The following SAR1A variants were observed in gnomAD, a reference collection of about 807,000 sequenced individuals.
SAR1A encodes the protein small COPII coat GTPase SAR1A.
Under a neutral mutation model 22.6 loss-of-function variants are expected in SAR1A, and 6 were observed. The ratio of observed to expected loss-of-function variants is 0.27; its 90% CI spans 0.15 to 0.52. The LOEUF (loss-of-function observed/expected upper bound fraction) is 0.52, where lower values mean the gene tolerates loss of function less well. Among genes scored for constraint, SAR1A ranks in the 20% least tolerant of loss-of-function variants. SAR1A has a pLI of 0.96. For missense variants in SAR1A, 145 were observed against 245.1 expected (o/e 0.59, Z 2.73); for synonymous variants, 70 against 82.2 (o/e 0.85, Z 0.80).
chr10:70,157,914 G>GA (rs769078717), intron 4 of SAR1A, 47 bp from the exon 5 acceptor site: 11 of 1,252,110 alleles, frequency 8.8e-6, no homozygotes, highest in Admixed American at 8.6e-5. Context: ...TATACATTGT[G>GA]AAAATGAATA....
Position 70,150,873 on chromosome 10 carries a change from A to C in SAR1A, c.*1603T>G, listed in dbSNP as rs1477671959. ...CCCCACAAGTCAGTACTGGAGAATA[A>C]GAATGAGAACTCCAACTAAAGAACA... is the stretch of plus-strand genomic sequence containing the variant. On this transcript the variant is annotated 3_prime_UTR_variant, in exon 7 of 7. Coordinates refer to ENST00000373241, the MANE Select transcript of SAR1A (RefSeq NM_020150.5). 1.3e-5 allele frequency: 2 copies of C among 152,522 alleles called. No individual in the cohort carries two copies. Among genetic ancestry groups the C allele is most frequent in the African/African-American group, 4.8e-5 (2 of 41,444 alleles). The allele number at this position is 152,522 out of a possible 1,614,324, so 9.4% of individuals were successfully genotyped here.
rs747413317 is a variant in SAR1A at position 70,161,750 on chromosome 10, A to G, written c.59-12T>C. 2 of 1,613,640 alleles carry G rather than the reference A, an allele frequency of 1.2e-6. No individual in the cohort carries two copies. Among genetic ancestry groups the G allele is most frequent in the Non-Finnish European group, 1.7e-6 (2 of 1,179,920 alleles). ...TTTCTTGTACAGTCCTAAAAGAGAAAAAAATTGTTAACACATTTGCTCTCT... is the reference window on the plus strand; with the variant it reads ...TTTCTTGTACAGTCCTAAAAGAGAAGAAAATTGTTAACACATTTGCTCTCT... On this transcript the variant is annotated splice_polypyrimidine_tract_variant and intron_variant, in intron 2 of 6. Coordinates refer to ENST00000373241, the MANE Select transcript of SAR1A (RefSeq NM_020150.5).
chr10:70,158,133 T>C lies in SAR1A; in HGVS notation c.245-266A>G, dbSNP rs367958421. ...CATCTGGCAATCCCATGCCTACTTA[T>C]CCACGTGACAATTATCAGCAGGAAC... On this transcript the variant is annotated intron_variant, in intron 4 of 6. Coordinates refer to ENST00000373241, the MANE Select transcript of SAR1A (RefSeq NM_020150.5). 3.7e-4 allele frequency among the ~76,000 whole-genome samples: 56 copies of C among 152,334 alleles called. No homozygotes were observed. In the South Asian group the frequency reaches 3.7e-3, roughly 10 times the overall value.
At chr10:70,165,264 CAAAAAAA>C (rs34191043) in intron 1 of SAR1A, among the ~76,000 whole-genome samples, 2 of 92,916 alleles carry the variant, frequency 2.2e-5, no homozygotes, top group Non-Finnish European at 2.1e-5. Context: ...GACTCCGTCT[CAAAAAAA>C]AAAAAAAAAA....
rs58884949 is a variant in SAR1A at position 70,158,757 on chromosome 10, C to CAAAAAAAAAA, written c.245-900_245-891dup. On this transcript the variant is annotated intron_variant, in intron 4 of 6. Coordinates refer to ENST00000373241, the MANE Select transcript of SAR1A (RefSeq NM_020150.5). The stretch of plus-strand genomic sequence containing the variant: ...TATAAGTTAAAATTTTTAAGTTATA[C>CAAAAAAAAAA]AAAAAAAAAAAAAGGAAACCTCCAG... Among the ~76,000 whole-genome samples, 169 of 125,772 alleles carry CAAAAAAAAAA rather than the reference C, an allele frequency of 1.3e-3. 6 individuals are homozygous for CAAAAAAAAAA. Among genetic ancestry groups the CAAAAAAAAAA allele is most frequent in the African/African-American group, 4.5e-3 (153 of 34,092 alleles). 82.5% of individuals were successfully genotyped at this position (125,772 alleles called of 152,430 possible). A position where few individuals can be genotyped will look rare whatever the true frequency, so the allele number is the denominator to read the frequency against.
intron 1 of SAR1A, chr10:70,162,686 A>G (rs1397619173): frequency 1.3e-5 from 2 of 152,160 alleles, no homozygotes; most frequent in East Asian, 3.8e-4. Flanking sequence ...ATATAAAGGC[A>G]TACCTCATTT....
chr10:70,154,632 A>AT lies in SAR1A; in HGVS notation c.349-664dup, dbSNP rs574653330. 6.2e-3 allele frequency among the ~76,000 whole-genome samples: 939 copies of AT among 151,054 alleles called. 17 individuals carry two copies. Among genetic ancestry groups the AT allele is most frequent in the African/African-American group, 0.022 (887 of 41,070 alleles). ...GCTACCACGCCTGGCTAATTTTTGT[A>AT]TTTTTTTAGTAGAGATGGAGTTTTA... On this transcript the variant is annotated intron_variant, in intron 5 of 6. Transcript: ENST00000373241.
intron 1 of SAR1A, among the ~76,000 whole-genome samples, chr10:70,170,001 C>T (rs1416904574): frequency 6.6e-6 from 1 of 152,100 alleles, no homozygotes; most frequent in Non-Finnish European, 1.5e-5. Context: ...TCGCTAACTG[C>T]GGAGCCTTGG....
intron 1 of SAR1A, chr10:70,167,365 C>A (rs928365379): frequency 6.6e-6 from 1 of 152,016 alleles, no homozygotes. Context: ...CAACTGCATT[C>A]AAAATTTTCA....
intron 5 of SAR1A, chr10:70,155,208 G>C: frequency 2.2e-6 from 1 of 456,380 alleles, no homozygotes; most frequent in East Asian, 6.9e-5. Context: ...TATCTGTGGT[G>C]TTCATGTAAG....
chr10:70,151,954 A>G lies in SAR1A; in HGVS notation c.*522T>C, dbSNP rs541938314. 2 of 167,222 alleles carry G rather than the reference A, an allele frequency of 1.2e-5. No homozygotes were observed. Among genetic ancestry groups the G allele is most frequent in the African/African-American group, 4.8e-5 (2 of 41,746 alleles). The allele number at this position is 167,222 out of a possible 1,614,324, so 10.4% of individuals were successfully genotyped here. A position where few individuals can be genotyped will look rare whatever the true frequency, so the allele number is the denominator to read the frequency against. ...GGGAGCTTCTCTCACCAACCTGCTAACTCAGCAGGAGTAAGTTTACCCAAA... is the reference window on the plus strand; with the variant it reads ...GGGAGCTTCTCTCACCAACCTGCTAGCTCAGCAGGAGTAAGTTTACCCAAA... On this transcript the variant is annotated 3_prime_UTR_variant, in exon 7 of 7. Transcript: ENST00000373241.
At chr10:70,166,824 T>TAAA (rs1164277365) in intron 1 of SAR1A, 1 of 67,858 alleles carries the variant, frequency 1.5e-5, no homozygotes. Flanking sequence ...CCTGCATCTC[T>TAAA]ACAAAAAAAA....
chr10:70,153,861 G>A lies in SAR1A; in HGVS notation c.457C>T (p.Leu153Phe), dbSNP rs1414253361. 1 of 1,600,112 alleles carries A rather than the reference G, an allele frequency of 6.2e-7. No homozygotes were observed. Among genetic ancestry groups the A allele is most frequent in the South Asian group, 1.1e-5 (1 of 87,484 alleles). Reference protein sequence around the residue: ...SEEKLREIFGLYGQTTGKGNV... With the variant: ...SEEKLREIFGFYGQTTGKGNV... ...ACCTTTCCTGTGGTCTGTCCATAAAGCCCAAATATCTCACGGAGTTTTTCT... is the reference window on the plus strand; with the variant it reads ...ACCTTTCCTGTGGTCTGTCCATAAAACCCAAATATCTCACGGAGTTTTTCT... The change falls in exon 6 of 7, where the codon CTT (leucine) becomes TTT (phenylalanine). Residue 153 changes from leucine (L) to phenylalanine (F), a missense_variant. Leu to Phe is a conservative substitution (Grantham distance 22). Around this residue, in one of 3 missense-constraint regions of SAR1A, gnomAD observed 83 missense variants for 114.7 expected, o/e 0.72. Transcript: ENST00000373241.
intron 5 of SAR1A, among the ~76,000 whole-genome samples, chr10:70,157,472 T>C (rs1839407788): frequency 6.6e-6 from 1 of 151,258 alleles, no homozygotes; most frequent in African/African-American, 2.4e-5. Flanking sequence ...TACTATTAAT[T>C]ATGCTGGGAC....
rs149060060 is a variant in SAR1A at position 70,148,592 on chromosome 10, C to G, written c.*3884G>C. The G allele has an allele frequency of 9.2e-5, 14 of 152,128 alleles. No individual in the cohort carries two copies. The highest frequency in any genetic ancestry group is 1.6e-4 in the Non-Finnish European group (11 of 68,028). 9.4% of individuals were successfully genotyped at this position (152,128 alleles called of 1,614,324 possible). On this transcript the variant is annotated 3_prime_UTR_variant, in exon 7 of 7. Coordinates refer to ENST00000373241, the MANE Select transcript of SAR1A (RefSeq NM_020150.5). ...TTTCCTGAGCCCAGGAGTTTGAGAC[C>G]AGCCTGGGCAACATGATGAGACCTT...
chr10:70,157,297 G>A (rs778231306), intron 5 of SAR1A, among the ~76,000 whole-genome samples: 2 of 151,760 alleles, frequency 1.3e-5, no homozygotes, highest in South Asian at 4.2e-4. Flanking sequence ...CCAGCTACTC[G>A]GGAGGCTGAA....
chr10:70,161,836 T>C, intron 2 of SAR1A, 22 bp downstream of exon 2: 1 of 1,612,786 alleles, frequency 6.2e-7, no homozygotes, highest in East Asian at 2.2e-5. Flanking sequence ...TTGAAACCTG[T>C]ATTTCAAGGA....
At chr10:70,155,562 T>C (rs12245839) in intron 5 of SAR1A, among the ~76,000 whole-genome samples, 1 of 152,056 alleles carries the variant, frequency 6.6e-6, no homozygotes, top group African/African-American at 2.4e-5. Context: ...TGCAAAGAAA[T>C]AAGACACAGT....
chr10:70,161,207 A>G lies in SAR1A; in HGVS notation c.179-138T>C, dbSNP rs913217731. 10 of 660,264 alleles carry G rather than the reference A, an allele frequency of 1.5e-5. No individual in the cohort carries two copies. In the African/African-American group the frequency reaches 1.7e-4, roughly 11 times the overall value. The allele number at this position is 660,264 out of a possible 1,614,324, so 40.9% of individuals were successfully genotyped here. ...GTTGAGTGTGGTGGTACCCGCCTGT[A>G]GTTCCAGCTACTCAGGAGGCTGAGG... is the stretch of plus-strand genomic sequence containing the variant. On this transcript the variant is annotated intron_variant, in intron 3 of 6. Coordinates refer to ENST00000373241, the MANE Select transcript of SAR1A (RefSeq NM_020150.5).
Sources: allele counts gnomAD v4.1 joint callset (sites outside exome capture counted in the v4.1 genomes callset), GRCh38; gene constraint gnomAD v4.1.1; regional missense constraint gnomAD v4.1.1; transcripts MANE v1.5; gene names NCBI Gene and HGNC (gene_info 2026-07-23, HGNC 2026-07-21).